SNTG1: variants seen among roughly 807,000 people sequenced by gnomAD.
The protein encoded by SNTG1 is gamma-1-syntrophin.
In SNTG1, 39 loss-of-function variants were observed where a neutral mutation model predicts 74.7. The observed-to-expected ratio is 0.52, with a 90% CI of 0.40 to 0.68. SNTG1 has a LOEUF of 0.68. Ranked by LOEUF, SNTG1 falls within the 30% of genes least tolerant of loss-of-function variation. The pLI, the probability that SNTG1 is intolerant of heterozygous loss-of-function variation, is 0.00. For missense variants in SNTG1, 685 were observed against 609.5 expected (o/e 1.12, Z -1.30); for synonymous variants, 254 against 217.1 (o/e 1.17, Z -1.49).
intron 18 of SNTG1, among the ~76,000 whole-genome samples, chr8:50,774,241 T>G (rs908844199): frequency 2.0e-5 from 3 of 151,870 alleles, no homozygotes; most frequent in Non-Finnish European, 2.9e-5. Flanking sequence ...TTCTCAAATT[T>G]AATATTAATA....
At chr8:49,925,476 CTG>C (rs1585523374) in intron 1 of SNTG1, among the ~76,000 whole-genome samples, 1 of 149,200 alleles carries the variant, frequency 6.7e-6, no homozygotes, top group Non-Finnish European at 1.5e-5. Flanking sequence ...CTGTCTGTCG[CTG>C]TGTGTGTGGA....
At chr8:50,732,028 A>G (rs927098303) in intron 17 of SNTG1, among the ~76,000 whole-genome samples, 2 of 151,902 alleles carry the variant, frequency 1.3e-5, no homozygotes, top group African/African-American at 4.8e-5. Context: ...CTTTATATCC[A>G]TCTTTGGGGT....
chr8:50,028,059 C>A (rs988999092), intron 1 of SNTG1, among the ~76,000 whole-genome samples: 1 of 152,044 alleles, frequency 6.6e-6, no homozygotes, highest in African/African-American at 2.4e-5. Flanking sequence ...GTTCTTGAAA[C>A]CACCACTGGC....
At chr8:50,373,430 A>T (rs2092312372) in intron 2 of SNTG1, among the ~76,000 whole-genome samples, 1 of 152,220 alleles carries the variant, frequency 6.6e-6, no homozygotes, top group African/African-American at 2.4e-5. Flanking sequence ...GTGTGACAAG[A>T]GAATTCTAAA....
At chr8:50,268,318 G>A (rs188720520) in intron 2 of SNTG1, among the ~76,000 whole-genome samples, 1 of 152,222 alleles carries the variant, frequency 6.6e-6, no homozygotes, top group Admixed American at 6.5e-5. Context: ...GGAAGATTCA[G>A]CACAGTAAAG....
At chr8:49,984,093 C>G (rs147786050) in intron 1 of SNTG1, among the ~76,000 whole-genome samples, 246 of 152,258 alleles carry the variant, frequency 1.6e-3, no homozygotes, top group African/African-American at 5.6e-3. Flanking sequence ...GAATGAAGCT[C>G]AAACATTTGG....
chr8:50,461,868 AC>A (rs2093566220), intron 8 of SNTG1, among the ~76,000 whole-genome samples: 1 of 152,104 alleles, frequency 6.6e-6, no homozygotes, highest in Non-Finnish European at 1.5e-5. Context: ...AGAGAATGGT[AC>A]TAGAAATCAA....
intron 12 of SNTG1, among the ~76,000 whole-genome samples, chr8:50,581,596 T>TA (rs1206709503): frequency 6.6e-6 from 1 of 151,910 alleles, no homozygotes; most frequent in East Asian, 1.9e-4. Context: ...ATTGTCAATC[T>TA]AAAAAAAATT....
chr8:50,173,294 G>C (rs11995916), intron 2 of SNTG1, among the ~76,000 whole-genome samples: 2 of 152,190 alleles, frequency 1.3e-5, no homozygotes, highest in African/African-American at 2.4e-5. Flanking sequence ...GTTGGAAGGA[G>C]GTGAACGTGG....
intron 1 of SNTG1, among the ~76,000 whole-genome samples, chr8:50,151,170 T>G (rs1188673497): frequency 6.6e-6 from 1 of 152,222 alleles, no homozygotes; most frequent in East Asian, 1.9e-4. Context: ...ATTTATCCAT[T>G]TCTTCTAGAT....
intron 8 of SNTG1, among the ~76,000 whole-genome samples, chr8:50,451,231 T>C (rs963496410): frequency 6.6e-6 from 1 of 152,202 alleles, no homozygotes; most frequent in Admixed American, 6.5e-5. Context: ...GACTATTACA[T>C]AGTATTTGCA....
At position 50,611,339 on chromosome 8, in the gene SNTG1, G is replaced by A. The variant is rs547312211; in HGVS notation, c.849+20422G>A. 1.5e-4 allele frequency among the ~76,000 whole-genome samples: 23 copies of A among 152,208 alleles called. No individual in the cohort carries two copies. In the East Asian group the frequency reaches 3.9e-3, roughly 26 times the overall value. On this transcript the variant is annotated intron_variant, in intron 13 of 18. Coordinates refer to ENST00000642720, the MANE Select transcript of SNTG1 (RefSeq NM_018967.5). ...AGCTACAGGGCAAGGACATTTCTTC[G>A]TGAGCTGCATAAAAGTGAGAATCCC...
intron 9 of SNTG1, among the ~76,000 whole-genome samples, chr8:50,514,841 A>T (rs908880347): frequency 3.9e-5 from 6 of 152,090 alleles, no homozygotes; most frequent in Non-Finnish European, 5.9e-5. Flanking sequence ...TCATACTATT[A>T]TTGTGTTGCT....
chr8:50,204,798 C>T (rs1348649391), intron 2 of SNTG1, among the ~76,000 whole-genome samples: 2 of 152,068 alleles, frequency 1.3e-5, no homozygotes, highest in Non-Finnish European at 2.9e-5. Flanking sequence ...CAATTCCCAC[C>T]TATGAGTGAC....
chr8:50,671,162 G>A (rs1319770797), intron 15 of SNTG1, among the ~76,000 whole-genome samples: 1 of 151,934 alleles, frequency 6.6e-6, no homozygotes, highest in East Asian at 1.9e-4. Flanking sequence ...AAAACCAAAA[G>A]CAATGGCAAC....
chr8:50,303,620 G>A (rs895051609), intron 2 of SNTG1, among the ~76,000 whole-genome samples: 9 of 151,866 alleles, frequency 5.9e-5, no homozygotes, highest in African/African-American at 1.4e-4. Context: ...TCAAATAGTA[G>A]GTGAATTTAC....
At chr8:50,365,365 A>G (rs2092080205) in intron 2 of SNTG1, among the ~76,000 whole-genome samples, 1 of 152,100 alleles carries the variant, frequency 6.6e-6, no homozygotes, top group Admixed American at 6.6e-5. Context: ...TGGTTAGATG[A>G]ATTTACTTTT....
chr8:50,666,662 A>G (rs2095252228), intron 15 of SNTG1, among the ~76,000 whole-genome samples: 1 of 152,144 alleles, frequency 6.6e-6, no homozygotes, highest in Admixed American at 6.6e-5. Context: ...CCTCATATAG[A>G]GACAACACAG....
At chr8:50,177,906 G>T (rs933916097) in intron 2 of SNTG1, among the ~76,000 whole-genome samples, 2 of 152,042 alleles carry the variant, frequency 1.3e-5, no homozygotes, top group Admixed American at 6.6e-5. Context: ...GGAAACCAAT[G>T]ATCTTTTCAC....
Sources: allele counts gnomAD v4.1 joint callset (sites outside exome capture counted in the v4.1 genomes callset), GRCh38; gene constraint gnomAD v4.1.1; transcripts MANE v1.5; gene names NCBI Gene and HGNC (gene_info 2026-07-23, HGNC 2026-07-21).